The following GINS2 variants were observed in gnomAD, a reference collection of about 807,000 sequenced individuals.
The protein encoded by GINS2 is GINS complex subunit 2.
In GINS2, 23 loss-of-function variants were observed where a neutral mutation model predicts 21.2. The observed-to-expected ratio is 1.08, with a 90% CI of 0.78 to 1.53. The LOEUF (loss-of-function observed/expected upper bound fraction) is 1.53. Ranked by LOEUF, GINS2 falls within the 40% of genes most tolerant of loss-of-function variation. GINS2 has a pLI of 0.00. For synonymous variants in GINS2, 118 were observed against 85.6 expected (o/e 1.38, Z -2.09); for missense variants, 323 against 233.9 (o/e 1.38, Z -2.49).
Position 85,678,107 on chromosome 16 carries a change from A to G in GINS2, c.*105T>C, listed in dbSNP as rs1421354176. ...GAATCCATTCCTTGCACCATCACAC[A>G]TTTTTCATGCATCAGAAGTGTTTCT... On this transcript the variant is annotated 3_prime_UTR_variant, in exon 5 of 5. Transcript: ENST00000253462. The G allele has an allele frequency of 1.0e-6, 1 of 979,322 alleles. No individual in the cohort carries two copies. The highest frequency in any genetic ancestry group is 1.6e-6 in the Non-Finnish European group (1 of 643,892). 60.7% of individuals were successfully genotyped at this position (979,322 alleles called of 1,614,324 possible).
chr16:85,681,586 T>G lies in GINS2; in HGVS notation c.301A>C (p.Asn101His). 1 of 1,590,496 alleles carries G rather than the reference T, an allele frequency of 6.3e-7. No individual in the cohort carries two copies. Residue 101 changes from asparagine to histidine, a missense_variant, in exon 3 of 5, where the codon AAT (asparagine) becomes CAT (histidine). By Grantham distance (68) the Asn-to-His change is moderately conservative. Transcript: ENST00000253462. ...TAAGAGGTGAGATCTACTTACTGATTTAACAGGAGCTTCGTAAGTTCCATG... is the reference window on the plus strand; with the variant it reads ...TAAGAGGTGAGATCTACTTACTGATGTAACAGGAGCTTCGTAAGTTCCATG... Reference protein sequence around the residue: ...YYMELTKLLLNHASDNIPKAD... With the variant: ...YYMELTKLLLHHASDNIPKAD...
chr16:85,687,478 GA>G lies in GINS2; in HGVS notation c.186del (p.Pro63GlnfsTer6). On this transcript the variant is annotated frameshift_variant, in exon 2 of 5. Transcript: ENST00000253462. LOFTEE classifies it high-confidence loss of function. Reference protein sequence around the residue: ...LKQRQKCRLLPPEWMDVEKLE... With the variant: ...LKQRQKCRLLXPEWMDVEKLE... ...TCCTTACCTACATCCATCCACTCTG[GA>G]GGGAGCAGGCGACATTTCTGTCTTT... 1 of 1,577,196 alleles carries G rather than the reference GA, an allele frequency of 6.3e-7. No homozygotes were observed.
In GINS2 at chr16:85,681,617, A is replaced by T. The variant is rs1467115614; in HGVS notation, c.270T>A (p.Pro90=). Residue 90 remains proline (P), a synonymous_variant, in exon 3 of 5, where the codon CCT becomes CCA. Transcript: ENST00000253462. ...GGAGCTTCGTAAGTTCCATGTAGTA[A>T]GGGCTGGGCATTGGGGTAAAAGTTT... The part of the protein sequence containing the change: ...KEETFTPMPS[P]YYMELTKLLL... The T allele has an allele frequency of 2.5e-6, 4 of 1,612,168 alleles. No individual in the cohort carries two copies. The highest frequency in any genetic ancestry group is 1.7e-5 in the Admixed American group (1 of 59,962).
rs764177744 is a variant in GINS2, at chr16:85,687,603, G to C, written c.91-29C>G. The C allele has an allele frequency of 7.2e-5, 96 of 1,324,714 alleles. No individual in the cohort carries two copies. Among genetic ancestry groups the C allele is most frequent in the Non-Finnish European group, 9.5e-5 (91 of 960,968 alleles). The allele number at this position is 1,324,714 out of a possible 1,614,324, so 82.1% of individuals were successfully genotyped here. A position where few individuals can be genotyped will look rare whatever the true frequency, so the allele number is the denominator to read the frequency against. On this transcript the variant is annotated intron_variant, in intron 1 of 4. Coordinates refer to ENST00000253462, the MANE Select transcript of GINS2 (RefSeq NM_016095.3). The stretch of plus-strand genomic sequence containing the variant: ...CCAAAAGTAAAACAATTCCCCGTAA[G>C]ATTGAAAAAGAACAAAAAAAGCATT...
At position 85,688,932 on chromosome 16, in the gene GINS2, C is replaced by G. The variant is rs759506135; in HGVS notation, c.-34G>C. ...GAGCTGCAGGCCAGAGCCTCACGGT[C>G]TCCTCGGGCCCCTCAGCGTCCCGGA... On this transcript the variant is annotated 5_prime_UTR_variant, in exon 1 of 5. Coordinates refer to ENST00000253462, the MANE Select transcript of GINS2 (RefSeq NM_016095.3). 1 of 1,446,494 alleles carries G rather than the reference C, an allele frequency of 6.9e-7. No homozygotes were observed. The highest frequency in any genetic ancestry group is 9.4e-7 in the Non-Finnish European group (1 of 1,067,340). The allele number at this position is 1,446,494 out of a possible 1,614,324, so 89.6% of individuals were successfully genotyped here. A position where few individuals can be genotyped will look rare whatever the true frequency, so the allele number is the denominator to read the frequency against.
intron 3 of GINS2, among the ~76,000 whole-genome samples, chr16:85,680,487 T>C (rs1311474102): frequency 6.6e-6 from 1 of 152,142 alleles, no homozygotes; most frequent in Non-Finnish European, 1.5e-5. Flanking sequence ...AGCAAAATTA[T>C]CCACCCTTGT....
At chr16:85,685,253 T>C (rs1409393208) in intron 2 of GINS2, among the ~76,000 whole-genome samples, 2 of 152,192 alleles carry the variant, frequency 1.3e-5, no homozygotes, top group African/African-American at 4.8e-5. Context: ...TAGCCTGCGA[T>C]AAAACAGGCC....
chr16:85,684,941 A>G, intron 2 of GINS2, among the ~76,000 whole-genome samples: 1 of 151,798 alleles, frequency 6.6e-6, no homozygotes, highest in Non-Finnish European at 1.5e-5. Flanking sequence ...GGCGCCCACC[A>G]AACACCCAGC....
chr16:85,685,432 C>A (rs1007852112), intron 2 of GINS2, among the ~76,000 whole-genome samples: 2 of 151,836 alleles, frequency 1.3e-5, no homozygotes, highest in Admixed American at 6.6e-5. Flanking sequence ...TCCCAGCACT[C>A]TGAGAGGATC....
At chr16:85,683,324 T>C (rs762312045) in intron 2 of GINS2, among the ~76,000 whole-genome samples, 2 of 151,954 alleles carry the variant, frequency 1.3e-5, no homozygotes, top group Non-Finnish European at 1.5e-5. Flanking sequence ...TAAACTCATA[T>C]CCACACCACC....
At chr16:85,680,962 G>A (rs758349387) in intron 3 of GINS2, among the ~76,000 whole-genome samples, 1 of 152,370 alleles carries the variant, frequency 6.6e-6, no homozygotes, top group East Asian at 1.9e-4. Flanking sequence ...GAGTCACATG[G>A]CAGTTCTGCC....
In GINS2 at chr16:85,681,564, GA is replaced by G. The variant is rs1451978941; in HGVS notation, c.305+17del. The G allele has an allele frequency of 4.9e-6, 7 of 1,433,100 alleles. No individual in the cohort carries two copies. The highest frequency in any genetic ancestry group is 6.9e-6 in the Non-Finnish European group (7 of 1,016,198). 88.8% of individuals were successfully genotyped at this position (1,433,100 alleles called of 1,614,324 possible). On this transcript the variant is annotated intron_variant, in intron 3 of 4. Transcript: ENST00000253462. ...GTCCAGTCTTGGGTGTGGCCTCTAA[GA>G]GGTGAGATCTACTTACTGATTTAAC...
chr16:85,687,577 G>T lies in GINS2; in HGVS notation c.91-3C>A. 1 of 1,517,398 alleles carries T rather than the reference G, an allele frequency of 6.6e-7. No individual in the cohort carries two copies. Among genetic ancestry groups the T allele is most frequent in the Non-Finnish European group, 8.9e-7 (1 of 1,126,044 alleles). 94.0% of individuals were successfully genotyped at this position (1,517,398 alleles called of 1,614,324 possible). On this transcript the variant is annotated splice_polypyrimidine_tract_variant and splice_region_variant and intron_variant, in intron 1 of 4. Coordinates refer to ENST00000253462, the MANE Select transcript of GINS2 (RefSeq NM_016095.3). ...GGGTTAAAAGGCCCCAGGTCCCCCT[G>T]CCAAAAGTAAAACAATTCCCCGTAA...
intron 3 of GINS2, among the ~76,000 whole-genome samples, chr16:85,680,655 T>C (rs1489159205): frequency 2.0e-5 from 3 of 152,096 alleles, no homozygotes; most frequent in African/African-American, 4.8e-5. Flanking sequence ...GCAAATGCCA[T>C]AGCAATGTGT....
Position 85,681,566 on chromosome 16 carries a change from G to C in GINS2, c.305+16C>G. On this transcript the variant is annotated intron_variant, in intron 3 of 4. Coordinates refer to ENST00000253462, the MANE Select transcript of GINS2 (RefSeq NM_016095.3). ...CCAGTCTTGGGTGTGGCCTCTAAGA[G>C]GTGAGATCTACTTACTGATTTAACA... The C allele has an allele frequency of 6.9e-7, 1 of 1,453,452 alleles. No homozygotes were observed. The highest frequency in any genetic ancestry group is 9.7e-7 in the Non-Finnish European group (1 of 1,034,390). The allele number at this position is 1,453,452 out of a possible 1,614,324, so 90.0% of individuals were successfully genotyped here. A position where few individuals can be genotyped will look rare whatever the true frequency, so the allele number is the denominator to read the frequency against.
At chr16:85,688,751 G>A (rs540885917) in intron 1 of GINS2, 58 bp downstream of exon 1, 5 of 1,102,640 alleles carry the variant, frequency 4.5e-6, no homozygotes, top group African/African-American at 3.3e-5. Flanking sequence ...AAGGCCACGC[G>A]GGAGCCCCGG....
rs562366562 is a variant in GINS2, at chr16:85,680,779, CAA to C, written c.305+801_305+802del. On this transcript the variant is annotated intron_variant, in intron 3 of 4. Coordinates refer to ENST00000253462, the MANE Select transcript of GINS2 (RefSeq NM_016095.3). ...CTTACAGGGCAGAGAACAGTATATGCAAAGTCAGAATGCTTGAAGAAGTGACA... is the reference window on the plus strand; with the variant it reads ...CTTACAGGGCAGAGAACAGTATATGCAGTCAGAATGCTTGAAGAAGTGACA... Among the ~76,000 whole-genome samples the C allele has an allele frequency of 4.7e-4, 71 of 152,326 alleles. 1 individual carries two copies. In the South Asian group the frequency reaches 0.015, roughly 31 times the overall value.
chr16:85,685,679 A>AAACAAAACAAAAAAAAAAC (rs1555579568), intron 2 of GINS2, among the ~76,000 whole-genome samples: 1 of 144,154 alleles, frequency 6.9e-6, no homozygotes, highest in African/African-American at 2.8e-5. Flanking sequence ...TCAAAAAAAA[A>AAACAAAACAAAAAAAAAAC]AAAAAAAAAA....
Position 85,688,822 on chromosome 16 carries a change from A to C in GINS2, c.77T>G (p.Ile26Ser). 6.5e-7 allele frequency: 1 copy of C among 1,540,288 alleles called. No individual in the cohort carries two copies. The change falls in exon 1 of 5, where the codon ATC becomes AGC. Residue 26 changes from isoleucine to serine, a missense_variant. By Grantham distance (142) the Ile-to-Ser change is moderately radical. Coordinates refer to ENST00000253462, the MANE Select transcript of GINS2 (RefSeq NM_016095.3). ...TIIPNFSLDK[I>S]YLIGGDLGPF... Reference sequence around the variant, plus strand: ...CCCAGGCCTCACCCCGATGAGGTAGATCTTGTCCAGACTGAAGTTGGGGAT... The same window carrying C: ...CCCAGGCCTCACCCCGATGAGGTAGCTCTTGTCCAGACTGAAGTTGGGGAT...
Sources: allele counts gnomAD v4.1 joint callset (sites outside exome capture counted in the v4.1 genomes callset), GRCh38; gene constraint gnomAD v4.1.1; transcripts MANE v1.5; gene names NCBI Gene and HGNC (gene_info 2026-07-23, HGNC 2026-07-21).